ZNF680: variants seen among roughly 807,000 people sequenced by gnomAD.
ZNF680 encodes zinc finger protein 680.
Under a neutral mutation model 12.1 loss-of-function variants are expected in ZNF680, and 6 were observed. The observed-to-expected ratio is 0.49, with a 90% CI of 0.27 to 0.98. The LOEUF is 0.98. Ranked by LOEUF, ZNF680 falls within the 50% of genes least tolerant of loss-of-function variation. The probability of loss-of-function intolerance (pLI) is 0.12; values close to 1 mark genes in which losing one functional copy is unlikely to be tolerated. For synonymous variants in ZNF680, 170 were observed against 199.3 expected, an observed-to-expected ratio of 0.85 and a Z score of 1.24; for missense variants, 561 against 616.3, an observed-to-expected ratio of 0.91 and a Z score of 0.95.
intron 3 of ZNF680, among the ~76,000 whole-genome samples, chr7:64,542,443 G>T (rs561428866): frequency 1.3e-5 from 2 of 152,146 alleles, no homozygotes. Flanking sequence ...GCTGCTTATC[G>T]ATCATATGCT....
chr7:64,561,864 G>C (rs1188097927), intron 1 of ZNF680, among the ~76,000 whole-genome samples: 3 of 148,588 alleles, frequency 2.0e-5, no homozygotes, highest in African/African-American at 7.4e-5. Context: ...CAACCCAGGA[G>C]GCGGAGCTTG....
At position 64,521,406 on chromosome 7, in the gene ZNF680, T is replaced by G; in HGVS notation, c.1348A>C (p.Thr450Pro). ...CCAGTATGAATTACTTTATGGTTAG[T>G]AAGGGTTGAAAATAAAGTAAAGCCT... ...GKGFTLFSTL[T>P]NHKVIHTGEK... The change falls in exon 4 of 4, where the codon ACT (threonine) becomes CCT (proline). Residue 450 changes from threonine (T) to proline (P), a missense_variant. By Grantham distance (38) the Thr-to-Pro change is conservative. Coordinates refer to ENST00000309683, the MANE Select transcript of ZNF680 (RefSeq NM_178558.5). The G allele has an allele frequency of 6.2e-7, 1 of 1,613,698 alleles. No homozygotes were observed. Among genetic ancestry groups the G allele is most frequent in the Non-Finnish European group, 8.5e-7 (1 of 1,179,714 alleles).
the ZNF680 span, among the ~76,000 whole-genome samples, chr7:64,503,989 T>C: frequency 1.3e-5 from 2 of 152,198 alleles, no homozygotes; most frequent in Non-Finnish European, 2.9e-5. Context: ...AATAAAGTGC[T>C]TGTGGTAAAA....
chr7:64,553,745 C>A (rs902234268), intron 1 of ZNF680, among the ~76,000 whole-genome samples: 6 of 152,196 alleles, frequency 3.9e-5, no homozygotes, highest in African/African-American at 1.4e-4. Context: ...GCCGCCACGC[C>A]AGACTGGTTT....
At chr7:64,519,677 A>C (rs1192482889), downstream of ZNF680, among the ~76,000 whole-genome samples, 1 of 151,828 alleles carries the variant, frequency 6.6e-6, no homozygotes, top group Non-Finnish European at 1.5e-5. Context: ...GCTATGTGGA[A>C]TCTAAAAGAA....
intron 1 of ZNF680, among the ~76,000 whole-genome samples, chr7:64,548,304 A>G (rs1016294159): frequency 6.6e-6 from 1 of 152,276 alleles, no homozygotes; most frequent in African/African-American, 2.4e-5. Flanking sequence ...CTGTTCATAA[A>G]TATCCTTTCA....
At chr7:64,545,057 G>T (rs113209359) in intron 1 of ZNF680, among the ~76,000 whole-genome samples, 3 of 151,828 alleles carry the variant, frequency 2.0e-5, no homozygotes, top group Admixed American at 6.6e-5. Context: ...TCACGAGTTC[G>T]AAATCAGCCT....
chr7:64,535,571 G>A (rs1189718668), intron 3 of ZNF680, among the ~76,000 whole-genome samples: 2 of 152,028 alleles, frequency 1.3e-5, no homozygotes, highest in Non-Finnish European at 2.9e-5. Context: ...GTAACAAAAT[G>A]AAAAAAATCT....
the ZNF680 span, among the ~76,000 whole-genome samples, chr7:64,509,419 C>A: frequency 6.6e-6 from 1 of 152,266 alleles, no homozygotes; most frequent in South Asian, 2.1e-4. Flanking sequence ...CTGTCCCCAA[C>A]AAAGAAAGGC....
chr7:64,523,887 T>C (rs1002367780), intron 3 of ZNF680, among the ~76,000 whole-genome samples: 29 of 150,040 alleles, frequency 1.9e-4, no homozygotes, highest in Non-Finnish European at 1.0e-4. Flanking sequence ...CACTCCAGCC[T>C]GGGCGACAGA....
At position 64,521,491 on chromosome 7, in the gene ZNF680, A is replaced by C. The variant is rs748144056; in HGVS notation, c.1263T>G (p.Leu421=). ...TAGTGTGAATTCTCTTATGTCGAGT[A>C]AGGCTGGAGCACCCATTAAAAGCTT... The part of the protein sequence containing the change: ...CGKAFNGCSS[L]TRHKRIHTRE... Residue 421 remains leucine, a synonymous_variant, in exon 4 of 4, where the codon CTT becomes CTG. Coordinates refer to ENST00000309683, the MANE Select transcript of ZNF680 (RefSeq NM_178558.5). 1 of 1,613,348 alleles carries C rather than the reference A, an allele frequency of 6.2e-7. No homozygotes were observed. Among genetic ancestry groups the C allele is most frequent in the African/African-American group, 1.3e-5 (1 of 74,878 alleles).
At chr7:64,554,337 T>A (rs1787276126) in intron 1 of ZNF680, among the ~76,000 whole-genome samples, 1 of 151,214 alleles carries the variant, frequency 6.6e-6, no homozygotes, top group Non-Finnish European at 1.5e-5. Flanking sequence ...AGTGAGGAGC[T>A]CCTCCGCCTG....
chr7:64,550,209 G>A (rs1489901368), intron 1 of ZNF680, among the ~76,000 whole-genome samples: 1 of 152,130 alleles, frequency 6.6e-6, no homozygotes, highest in African/African-American at 2.4e-5. Context: ...AAATAAAATC[G>A]ATTACTAATT....
chr7:64,551,892 A>G (rs1186606619), intron 1 of ZNF680: 1 of 152,232 alleles, frequency 6.6e-6, no homozygotes, highest in Non-Finnish European at 1.5e-5. Context: ...ATTTCTCTCT[A>G]AATACCCAAA....
chr7:64,537,666 G>A (rs545366096), intron 3 of ZNF680, among the ~76,000 whole-genome samples: 2 of 152,268 alleles, frequency 1.3e-5, no homozygotes, highest in Non-Finnish European at 2.9e-5. Flanking sequence ...GCTGGCTCAC[G>A]CCTGTAATCC....
chr7:64,508,685 G>A, the ZNF680 span, among the ~76,000 whole-genome samples: 2 of 152,072 alleles, frequency 1.3e-5, no homozygotes, highest in Non-Finnish European at 2.9e-5. Flanking sequence ...GGGGGTCCTA[G>A]GGCAACTAAA....
At chr7:64,511,736 G>A in the ZNF680 span, among the ~76,000 whole-genome samples, 1 of 109,730 alleles carries the variant, frequency 9.1e-6, no homozygotes, top group Non-Finnish European at 1.8e-5. Context: ...TCTCTGTGAA[G>A]TTTTAATTAA....
intron 3 of ZNF680, among the ~76,000 whole-genome samples, chr7:64,536,844 G>C (rs1786194493): frequency 6.6e-6 from 1 of 152,162 alleles, no homozygotes; most frequent in African/African-American, 2.4e-5. Context: ...CAAGGTGGGA[G>C]TATCATTTGG....
chr7:64,504,408 A>T, the ZNF680 span, among the ~76,000 whole-genome samples: 2 of 152,182 alleles, frequency 1.3e-5, no homozygotes, highest in Non-Finnish European at 2.9e-5. Context: ...TTTATTGATA[A>T]TATACAATTT....
Sources: gnomAD v4.1 joint callset for allele counts (sites outside exome capture counted in the v4.1 genomes callset) on GRCh38, gnomAD v4.1.1 for gene constraint, MANE v1.5 for transcripts, NCBI Gene and HGNC (gene_info 2026-07-23, HGNC 2026-07-21) for gene names.